The following RTN4 variants were observed in gnomAD, a reference collection of about 807,000 sequenced individuals.
RTN4 encodes reticulon-4.
A neutral mutation model predicts 90.4 loss-of-function variants in RTN4; 32 were observed. That is an observed-to-expected ratio of 0.35 (90% CI 0.27 to 0.48). RTN4 has a LOEUF of 0.48. Ranked by LOEUF, RTN4 falls within the 20% of genes least tolerant of loss-of-function variation. The probability of loss-of-function intolerance (pLI) is 0.99; values close to 1 mark genes in which losing one functional copy is unlikely to be tolerated. For synonymous variants in RTN4, 629 were observed against 552.5 expected, an observed-to-expected ratio of 1.14 and a Z score of -1.94; for missense variants, 1,706 against 1,430.2, an observed-to-expected ratio of 1.19 and a Z score of -3.11.
the RTN4 span, among the ~76,000 whole-genome samples, chr2:55,128,060 G>T: frequency 2.0e-5 from 3 of 151,996 alleles, no homozygotes; most frequent in Non-Finnish European, 4.4e-5. Context: ...GTAGAGGCGA[G>T]ATCTTCCCTT....
At chr2:55,122,812 G>A in the RTN4 span, among the ~76,000 whole-genome samples, 1 of 152,238 alleles carries the variant, frequency 6.6e-6, no homozygotes, top group African/African-American at 2.4e-5. Flanking sequence ...CCCATCCCCA[G>A]AGCCTGTCCC....
chr2:55,121,929 T>C, the RTN4 span, among the ~76,000 whole-genome samples: 1 of 152,140 alleles, frequency 6.6e-6, no homozygotes, highest in Non-Finnish European at 1.5e-5. Flanking sequence ...ATTGCTAGAG[T>C]ACATAACAAA....
the RTN4 span, among the ~76,000 whole-genome samples, chr2:55,132,590 C>T: frequency 3.7e-3 from 558 of 149,926 alleles, 6 homozygotes; most frequent in African/African-American, 0.013. Flanking sequence ...GGGAGGCAGG[C>T]TGCTTGAGCC....
At chr2:54,994,137 C>G (rs1023071507) in intron 3 of RTN4, among the ~76,000 whole-genome samples, 2 of 152,154 alleles carry the variant, frequency 1.3e-5, no homozygotes, top group African/African-American at 2.4e-5. Flanking sequence ...AAAATCCCTT[C>G]TGAGAAATAT....
Position 55,048,397 on chromosome 2 carries a change from T to C in RTN4, c.556+1348A>G, listed in dbSNP as rs964435836. 2.6e-5 allele frequency among the ~76,000 whole-genome samples: 4 copies of C among 152,364 alleles called. No individual in the cohort carries two copies. The South Asian group carries it at 6.2e-4, about 24-fold the overall frequency. On this transcript the variant is annotated intron_variant, in intron 1 of 8. Coordinates refer to ENST00000337526, the MANE Select transcript of RTN4 (RefSeq NM_020532.5). ...AGCTTACTGTATCTTTTCTATTTTA[T>C]AAACTTTTTGGCTCTTTTGTAATAA... is the stretch of plus-strand genomic sequence containing the variant.
Position 55,050,179 on chromosome 2 carries a change from TC to T in RTN4, c.121del (p.Glu41LysfsTer38). 6.4e-7 allele frequency: 1 copy of T among 1,569,136 alleles called. No individual in the cohort carries two copies. Among genetic ancestry groups the T allele is most frequent in the Middle Eastern group, 1.7e-4 (1 of 5,966 alleles). On this transcript the variant is annotated frameshift_variant, in exon 1 of 9. Coordinates refer to ENST00000337526, the MANE Select transcript of RTN4 (RefSeq NM_020532.5). LOFTEE classifies it high-confidence loss of function. This position sits in a 1 kb window ranked among gnomAD's most constrained non-coding sequence, Gnocchi z 4.6. ...PEDEEEEEEE[E>X]EEDEDEDLEE... ...CAGGTCTTCGTCCTCGTCCTCCTCTTCCTCCTCCTCTTCTTCCTCCTCGTCC... is the reference window on the plus strand; with the variant it reads ...CAGGTCTTCGTCCTCGTCCTCCTCTTCTCCTCCTCTTCTTCCTCCTCGTCC...
upstream of RTN4, among the ~76,000 whole-genome samples, chr2:55,053,882 T>G (rs1289615789): frequency 6.6e-6 from 1 of 152,098 alleles, no homozygotes; most frequent in Non-Finnish European, 1.5e-5. Context: ...TCTTCCATTA[T>G]CATGGTCTCA....
intron 1 of RTN4, among the ~76,000 whole-genome samples, chr2:55,090,610 G>C (rs1226001840): frequency 6.6e-6 from 1 of 152,190 alleles, no homozygotes; most frequent in East Asian, 1.9e-4. Flanking sequence ...AAGAGCTTGA[G>C]AATTCCATGA....
rs970413455 is a variant in RTN4, at chr2:54,972,367, A to C, written c.*789T>G. ...CAACATTTTTGGAAGCATTAGATTC[A>C]GTCCATAGATTCTGTGACAAAATTA... On this transcript the variant is annotated 3_prime_UTR_variant, in exon 9 of 9. Transcript: ENST00000337526. The C allele has an allele frequency of 2.0e-5, 3 of 152,808 alleles. No individual in the cohort carries two copies. The highest frequency in any genetic ancestry group is 4.4e-5 in the Non-Finnish European group (3 of 68,038). The allele number at this position is 152,808 out of a possible 1,614,324, so 9.5% of individuals were successfully genotyped here.
intron 1 of RTN4, among the ~76,000 whole-genome samples, chr2:55,102,349 T>C (rs1573518248): frequency 6.6e-6 from 1 of 152,124 alleles, no homozygotes; most frequent in Admixed American, 6.6e-5. Context: ...GTAAATCTTT[T>C]AGGATTTGTG....
chr2:55,036,035 G>C (rs1682656728), intron 1 of RTN4, among the ~76,000 whole-genome samples: 1 of 151,994 alleles, frequency 6.6e-6, no homozygotes, highest in South Asian at 2.1e-4. Context: ...AACATCTAAT[G>C]AATAGTACCA....
intron 2 of RTN4, among the ~76,000 whole-genome samples, chr2:55,069,432 C>T (rs2105014365): frequency 6.6e-6 from 1 of 152,342 alleles, no homozygotes; most frequent in South Asian, 2.1e-4. Context: ...GTAAATTCAA[C>T]TCTGCCATTG....
intron 1 of RTN4, among the ~76,000 whole-genome samples, chr2:55,091,675 C>CT (rs1027772971): frequency 2.6e-5 from 4 of 152,088 alleles, no homozygotes; most frequent in Non-Finnish European, 5.9e-5. Context: ...AAAAAGAAAA[C>CT]TTTTTTTAAT....
chr2:55,130,473 G>C, the RTN4 span, among the ~76,000 whole-genome samples: 2 of 152,278 alleles, frequency 1.3e-5, no homozygotes, highest in East Asian at 1.9e-4. Context: ...CATTGGGCTG[G>C]GTGTGGTGGC....
In RTN4 at chr2:55,027,076, A is replaced by G; in HGVS notation, c.1023T>C (p.His341=). ...GAGCTGTAGGTAACTCTTGTTGATT[A>G]TGAAGGATGTTATTACTAACTAACT... ...EEKLVSNNIL[H]NQQELPTALT... is the part of the protein sequence containing the mutation. The change falls in exon 3 of 9, where the codon CAT becomes CAC. Residue 341 remains histidine, a synonymous_variant. Transcript: ENST00000337526. The G allele has an allele frequency of 1.2e-6, 2 of 1,613,374 alleles. No individual in the cohort carries two copies. The highest frequency in any genetic ancestry group is 2.2e-5 in the South Asian group (2 of 91,060).
intron 2 of RTN4, among the ~76,000 whole-genome samples, chr2:55,064,244 C>T (rs1269642054): frequency 1.3e-5 from 2 of 149,168 alleles, no homozygotes; most frequent in Admixed American, 6.7e-5. Context: ...AAAAAGAAAA[C>T]ACATAACAGA....
intron 1 of RTN4, among the ~76,000 whole-genome samples, chr2:55,030,047 CA>C (rs1682190621): frequency 6.6e-6 from 1 of 152,052 alleles, no homozygotes; most frequent in Non-Finnish European, 1.5e-5. Flanking sequence ...CAATTCTTAA[CA>C]AAATGGTTGT....
upstream of RTN4, among the ~76,000 whole-genome samples, chr2:55,051,895 T>A (rs545811608): frequency 2.0e-5 from 3 of 151,980 alleles, no homozygotes; most frequent in Admixed American, 6.5e-5. Flanking sequence ...TAGAGTTTTT[T>A]AAATACATAA....
rs746395352 is a variant in RTN4, at chr2:55,025,806, TCA to T, written c.2291_2292del (p.Val764AspfsTer9). ...TCAGTGAGACTTTCTTTCACAAGCATCACAGTTTCATCTTGTTTTTGTGGAAC... is the reference window on the plus strand; with the variant it reads ...TCAGTGAGACTTTCTTTCACAAGCATCAGTTTCATCTTGTTTTTGTGGAAC... ...PDVPQKQDET[V>X]MLVKESLTET... is the part of the protein sequence containing the mutation. On this transcript the variant is annotated frameshift_variant, in exon 3 of 9. Transcript: ENST00000337526. LOFTEE classifies it high-confidence loss of function. 6.2e-7 allele frequency: 1 copy of T among 1,613,674 alleles called. No homozygotes were observed. Among genetic ancestry groups the T allele is most frequent in the Admixed American group, 1.7e-5 (1 of 59,932 alleles).
Sources: gnomAD v4.1 joint callset for allele counts (sites outside exome capture counted in the v4.1 genomes callset) on GRCh38, gnomAD v4.1.1 for gene constraint, Gnocchi (gnomAD v3.1) non-coding constraint, MANE v1.5 for transcripts, NCBI Gene and HGNC (gene_info 2026-07-23, HGNC 2026-07-21) for gene names.